ZNF564: variants seen among roughly 807,000 people sequenced by gnomAD.
ZNF564 encodes the protein zinc finger protein 564.
In ZNF564, 5 loss-of-function variants were observed where a neutral mutation model predicts 10.5. The ratio of observed to expected loss-of-function variants is 0.48; its 90% CI spans 0.25 to 1.00. The LOEUF (loss-of-function observed/expected upper bound fraction) is 1.00. ZNF564 is among the 50% of genes least tolerant of loss of function. The probability of loss-of-function intolerance (pLI) is 0.16; values close to 1 mark genes in which losing one functional copy is unlikely to be tolerated. For synonymous variants in ZNF564, 242 were observed against 218.1 expected (o/e 1.11, Z -0.97); for missense variants, 603 against 669.7 (o/e 0.90, Z 1.10).
chr19:12,543,696 A>C (rs1052863592), intron 1 of ZNF564, among the ~76,000 whole-genome samples: 8 of 150,742 alleles, frequency 5.3e-5, no homozygotes, highest in African/African-American at 2.0e-4. Context: ...AAAAAAAAAA[A>C]CAACTGAAAT....
rs865906958 is a variant in ZNF564, at chr19:12,526,975, G to A, written c.1133C>T (p.Pro378Leu). The A allele has an allele frequency of 6.2e-7, 1 of 1,613,528 alleles. No individual in the cohort carries two copies. The highest frequency in any genetic ancestry group is 1.3e-5 in the African/African-American group (1 of 74,726). ...KECGKAFISL[P>L]SVRRHMIKHT... Reference sequence around the variant, plus strand: ...CTTTATCATGTGTCTTCGGACACTTGGGAGAGAAATGAAGGCTTTCCCGCA... The same window carrying A: ...CTTTATCATGTGTCTTCGGACACTTAGGAGAGAAATGAAGGCTTTCCCGCA... Residue 378 changes from proline to leucine, a missense_variant, in exon 4 of 4, where the codon CCA becomes CTA. Coordinates refer to ENST00000339282, the MANE Select transcript of ZNF564 (RefSeq NM_144976.4).
chr19:12,539,930 G>C (rs542428894), intron 1 of ZNF564, among the ~76,000 whole-genome samples: 1 of 150,554 alleles, frequency 6.6e-6, no homozygotes, highest in Non-Finnish European at 1.5e-5. Context: ...GCAGTGAGCC[G>C]AGATCGCGCC....
At chr19:12,533,726 C>A (rs1212972856) in intron 1 of ZNF564, among the ~76,000 whole-genome samples, 1 of 10,042 alleles carries the variant, frequency 1.0e-4, no homozygotes. Context: ...GCTGCTGTCT[C>A]CAAAAAAAAA....
In ZNF564 at chr19:12,548,872, A is replaced by G. The variant is rs558023554; in HGVS notation, c.3+2458T>C. 415 of 702,738 alleles carry G rather than the reference A, an allele frequency of 5.9e-4. 5 individuals carry two copies. The highest frequency in any genetic ancestry group is 5.2e-3 in the South Asian group (351 of 67,572). 43.5% of individuals were successfully genotyped at this position (702,738 alleles called of 1,614,324 possible). A position where few individuals can be genotyped will look rare whatever the true frequency, so the allele number is the denominator to read the frequency against. Reference sequence around the variant, plus strand: ...CGACAAAATCTCTACCCTGCAAAGGAGAAGATATTTTAGAGAATCTCTGTA... The same window carrying G: ...CGACAAAATCTCTACCCTGCAAAGGGGAAGATATTTTAGAGAATCTCTGTA... On this transcript the variant is annotated intron_variant, in intron 1 of 3. Coordinates refer to ENST00000339282, the MANE Select transcript of ZNF564 (RefSeq NM_144976.4).
chr19:12,531,903 A>C (rs2021808454), intron 1 of ZNF564, among the ~76,000 whole-genome samples: 1 of 152,250 alleles, frequency 6.6e-6, no homozygotes, highest in African/African-American at 2.4e-5. Context: ...TTTTAAAAAC[A>C]TAGTATGTTG....
At chr19:12,528,729 A>T (rs757690786) in intron 1 of ZNF564, 33 bp from the exon 2 acceptor site, 1 of 1,595,076 alleles carries the variant, frequency 6.3e-7, no homozygotes, top group Non-Finnish European at 8.5e-7. Context: ...TGCAGGAGGA[A>T]GAATGAGATG....
intron 1 of ZNF564, among the ~76,000 whole-genome samples, chr19:12,533,265 T>C (rs1026230335): frequency 6.6e-6 from 1 of 152,092 alleles, no homozygotes; most frequent in Non-Finnish European, 1.5e-5. Flanking sequence ...AATAAGCACA[T>C]GGATCAAAGA....
At chr19:12,532,324 A>C (rs911751273) in intron 1 of ZNF564, among the ~76,000 whole-genome samples, 7 of 151,572 alleles carry the variant, frequency 4.6e-5, no homozygotes, top group Non-Finnish European at 8.8e-5. Flanking sequence ...TCACGAGGTC[A>C]GGAGATTGAG....
intron 1 of ZNF564, among the ~76,000 whole-genome samples, chr19:12,535,932 G>A (rs1207916968): frequency 6.6e-6 from 1 of 150,554 alleles, no homozygotes; most frequent in African/African-American, 2.4e-5. Context: ...AGAATTGCTT[G>A]AACCCGGGAG....
intron 1 of ZNF564, among the ~76,000 whole-genome samples, chr19:12,545,277 A>AG (rs1342519389): frequency 1.3e-5 from 2 of 151,544 alleles, no homozygotes; most frequent in African/African-American, 4.9e-5. Flanking sequence ...AAAAAAAAAA[A>AG]AAAAAGAAAT....
chr19:12,539,803 A>G (rs1246991979), intron 1 of ZNF564, among the ~76,000 whole-genome samples: 3 of 151,952 alleles, frequency 2.0e-5, no homozygotes, highest in East Asian at 3.9e-4. Flanking sequence ...GTGAAACCCC[A>G]TCTCTACTAA....
chr19:12,527,432 C>G lies in ZNF564; in HGVS notation c.676G>C (p.Glu226Gln). 2 of 1,614,114 alleles carry G rather than the reference C, an allele frequency of 1.2e-6. No homozygotes were observed. Among genetic ancestry groups the G allele is most frequent in the South Asian group, 1.1e-5 (1 of 91,078 alleles). Residue 226 changes from glutamate to glutamine, a missense_variant, in exon 4 of 4, where the codon GAA (glutamate) becomes CAA (glutamine). Physicochemically the swap from Glu to Gln is conservative, Grantham distance 29 (BLOSUM62 2). Transcript: ENST00000339282. ...ERTHTGEKPY[E>Q]CQECAKAFIS... ...AAAGCTTTTGCACATTCCTGACATTCATAGGGTTTCTCTCCAGTGTGAGTT... is the reference window on the plus strand; with the variant it reads ...AAAGCTTTTGCACATTCCTGACATTGATAGGGTTTCTCTCCAGTGTGAGTT...
chr19:12,527,745 G>A lies in ZNF564; in HGVS notation c.363C>T (p.His121=), dbSNP rs774473530. Residue 121 remains histidine, a synonymous_variant, in exon 4 of 4, where the codon CAC becomes CAT. Coordinates refer to ENST00000339282, the MANE Select transcript of ZNF564 (RefSeq NM_144976.4). ...GTTTGTGTCCAAGGTGAGATCTGAT[G>A]TGCCTACTAAGGGATGAATGATGCA... The part of the protein sequence containing the change: ...VFMHHSSLSR[H]IRSHLGHKPY... The A allele has an allele frequency of 8.7e-6, 14 of 1,614,056 alleles. No individual in the cohort carries two copies. Among genetic ancestry groups the A allele is most frequent in the Non-Finnish European group, 1.2e-5 (14 of 1,180,010 alleles).
chr19:12,537,115 A>G (rs1228944976), intron 1 of ZNF564, among the ~76,000 whole-genome samples: 1 of 152,198 alleles, frequency 6.6e-6, no homozygotes, highest in African/African-American at 2.4e-5. Flanking sequence ...CTCAAGTCAC[A>G]TCCATGTTGT....
intron 1 of ZNF564, among the ~76,000 whole-genome samples, chr19:12,536,574 C>T (rs1048223489): frequency 6.6e-6 from 1 of 152,184 alleles, no homozygotes; most frequent in African/African-American, 2.4e-5. Context: ...GAGCCCTGCA[C>T]TGTATATTCC....
At chr19:12,532,467 G>A (rs575889348) in intron 1 of ZNF564, among the ~76,000 whole-genome samples, 33 of 145,812 alleles carry the variant, frequency 2.3e-4, no homozygotes, top group Non-Finnish European at 3.7e-4. Context: ...CCCGGAAGGC[G>A]GAGCTTGCAG....
chr19:12,538,488 T>C (rs2145080887), intron 1 of ZNF564, among the ~76,000 whole-genome samples: 1 of 152,160 alleles, frequency 6.6e-6, no homozygotes, highest in Non-Finnish European at 1.5e-5. Flanking sequence ...TAGCCAGGCA[T>C]GGTGGTGGGC....
rs533279164 is a variant in ZNF564, at chr19:12,525,488, A to G, written c.*958T>C. 3.3e-5 allele frequency: 5 copies of G among 152,168 alleles called. No individual in the cohort carries two copies. The highest frequency in any genetic ancestry group is 5.9e-5 in the Non-Finnish European group (4 of 68,046). The allele number at this position is 152,168 out of a possible 1,614,324, so 9.4% of individuals were successfully genotyped here. On this transcript the variant is annotated 3_prime_UTR_variant, in exon 4 of 4. Transcript: ENST00000339282. ...TTCTCCAACATTCCACATCCTTGAC[A>G]GTATTTCTTGTTTTCCATCTTTGAT...
At chr19:12,528,220 G>A in intron 3 of ZNF564, 84 bp downstream of exon 3, 1 of 1,289,108 alleles carries the variant, frequency 7.8e-7, no homozygotes, top group Admixed American at 2.3e-5. Context: ...TCTGAAGCTG[G>A]GCTTACTGGT....
Sources: gnomAD v4.1 joint callset for allele counts (sites outside exome capture counted in the v4.1 genomes callset) on GRCh38, gnomAD v4.1.1 for gene constraint, MANE v1.5 for transcripts, NCBI Gene and HGNC (gene_info 2026-07-23, HGNC 2026-07-21) for gene names.